C12orf42: variants seen among roughly 807,000 people sequenced by gnomAD.
The protein encoded by C12orf42 is uncharacterized protein C12orf42.
C12orf42 carries 25 observed loss-of-function variants against 21.6 expected under a neutral mutation model. The observed-to-expected ratio is 1.16, with a 90% CI of 0.84 to 1.62. The LOEUF is 1.62. Ranked by LOEUF, C12orf42 falls within the 40% of genes most tolerant of loss-of-function variation. The pLI, the probability that C12orf42 is intolerant of heterozygous loss-of-function variation, is 0.00. For missense variants in C12orf42, 483 were observed against 459.3 expected, an observed-to-expected ratio of 1.05 and a Z score of -0.47; for synonymous variants, 174 against 175.0, an observed-to-expected ratio of 0.99 and a Z score of 0.05.
At chr12:103,371,862 T>C (rs1480209121) in intron 3 of C12orf42, among the ~76,000 whole-genome samples, 3 of 152,148 alleles carry the variant, frequency 2.0e-5, no homozygotes, top group Non-Finnish European at 4.4e-5. Context: ...GCTAATGCTA[T>C]CCCGCAACAA....
intron 4 of C12orf42, among the ~76,000 whole-genome samples, chr12:103,294,505 GAAA>G (rs1223540908): frequency 8.3e-6 from 1 of 120,812 alleles, no homozygotes; most frequent in East Asian, 2.5e-4. Flanking sequence ...AAGAAAGAAA[GAAA>G]AAGAAAGGAA....
rs1457823808 is a variant in C12orf42 at position 103,437,860 on chromosome 12, T to G, written c.79-36185A>C. On this transcript the variant is annotated intron_variant, in intron 2 of 5. Coordinates refer to ENST00000548883, the MANE Select transcript of C12orf42 (RefSeq NM_198521.5). ...GAGCTGGTACCATTCCTTCTGAAAC[T>G]ATTCCAATCAATAGAAAAAGAGGGA... 2.9e-5 allele frequency among the ~76,000 whole-genome samples: 4 copies of G among 140,090 alleles called. No homozygotes were observed. In the East Asian group the frequency reaches 8.4e-4, roughly 29 times the overall value. 91.9% of individuals were successfully genotyped at this position (140,090 alleles called of 152,430 possible). A position where few individuals can be genotyped will look rare whatever the true frequency, so the allele number is the denominator to read the frequency against.
intron 3 of C12orf42, among the ~76,000 whole-genome samples, chr12:103,383,902 T>C (rs570675931): frequency 6.6e-6 from 1 of 152,176 alleles, no homozygotes; most frequent in Non-Finnish European, 1.5e-5. Context: ...ATGTAAATTG[T>C]TTAAATAAGC....
chr12:103,479,989 C>T (rs1481740327), intron 1 of C12orf42, among the ~76,000 whole-genome samples: 2 of 151,868 alleles, frequency 1.3e-5, no homozygotes, highest in East Asian at 3.9e-4. Flanking sequence ...TTTCTAACCA[C>T]TGATAGTTTG....
chr12:103,199,167 G>A, the C12orf42 span, among the ~76,000 whole-genome samples: 5 of 152,116 alleles, frequency 3.3e-5, no homozygotes, highest in South Asian at 8.3e-4. Context: ...AGGCATATAT[G>A]GTCAACTGAT....
the C12orf42 span, among the ~76,000 whole-genome samples, chr12:103,102,503 T>C: frequency 3.3e-5 from 5 of 152,210 alleles, no homozygotes; most frequent in African/African-American, 7.2e-5. Context: ...AATGCAGTCA[T>C]GGGTTCTTAG....
At chr12:103,545,660 A>G in the C12orf42 span, among the ~76,000 whole-genome samples, 1 of 152,262 alleles carries the variant, frequency 6.6e-6, no homozygotes, top group African/African-American at 2.4e-5. Flanking sequence ...TACCTTGCTC[A>G]GCAATAAAGA....
rs74708731 is a variant in C12orf42 at position 103,289,767 on chromosome 12, C to G, written n.338-12557G>C. On this transcript the variant is annotated intron_variant and non_coding_transcript_variant, in intron 4 of 6. Coordinates refer to the C12orf42 transcript ENST00000546526. The stretch of plus-strand genomic sequence containing the variant: ...TGTGTAGTAAGAGCTCATTCTTGAA[C>G]AAATAGTTCTATATGTGAATATGCT... Among the ~76,000 whole-genome samples, 857 of 152,216 alleles carry G rather than the reference C, an allele frequency of 5.6e-3. 12 individuals are homozygous for G. The highest frequency in any genetic ancestry group is 0.02 in the African/African-American group (821 of 41,534).
downstream of C12orf42, among the ~76,000 whole-genome samples, chr12:103,264,182 G>A (rs1477940447): frequency 1.3e-5 from 2 of 152,046 alleles, no homozygotes; most frequent in Non-Finnish European, 2.9e-5. Flanking sequence ...TGTATCAAGA[G>A]CTTACTCCTC....
At chr12:103,294,568 AAAGG>A (rs763931253) in intron 4 of C12orf42, among the ~76,000 whole-genome samples, 232 of 119,612 alleles carry the variant, frequency 1.9e-3, no homozygotes, top group Middle Eastern at 8.1e-3. Flanking sequence ...AAAGAAAAAG[AAAGG>A]AAGGAAGGAA....
At chr12:103,353,756 C>G (rs1158634830) in intron 4 of C12orf42, among the ~76,000 whole-genome samples, 1 of 152,182 alleles carries the variant, frequency 6.6e-6, no homozygotes, top group Non-Finnish European at 1.5e-5. Context: ...AAATCCCACT[C>G]CAAACACTTC....
At chr12:103,077,095 T>A in the C12orf42 span, among the ~76,000 whole-genome samples, 1 of 152,228 alleles carries the variant, frequency 6.6e-6, no homozygotes, top group African/African-American at 2.4e-5. Flanking sequence ...ATTTTCTCTA[T>A]GTTCAATTTA....
chr12:103,106,631 G>A, the C12orf42 span, among the ~76,000 whole-genome samples: 16 of 151,714 alleles, frequency 1.1e-4, no homozygotes, highest in South Asian at 3.3e-3. Context: ...CCCAGTAAAA[G>A]TATGAAAATA....
At chr12:103,412,039 A>C (rs1422785038) in intron 2 of C12orf42, among the ~76,000 whole-genome samples, 3 of 152,228 alleles carry the variant, frequency 2.0e-5, no homozygotes, top group Admixed American at 6.5e-5. Context: ...TAGAGCATAA[A>C]GTATACTACA....
chr12:103,265,824 T>TTGTTC (rs2035141971), downstream of C12orf42, among the ~76,000 whole-genome samples: 1 of 152,070 alleles, frequency 6.6e-6, no homozygotes, highest in African/African-American at 2.4e-5. Flanking sequence ...TTGTTTTGTT[T>TTGTTC]TGTTTTGTTT....
chr12:103,434,459 C>T (rs184299987), intron 2 of C12orf42, among the ~76,000 whole-genome samples: 11 of 152,232 alleles, frequency 7.2e-5, no homozygotes, highest in Non-Finnish European at 1.3e-4. Flanking sequence ...ACGCAGAGGA[C>T]GGGTGATTTC....
the C12orf42 span, among the ~76,000 whole-genome samples, chr12:103,107,135 TATAG>T: frequency 6.6e-6 from 1 of 152,026 alleles, no homozygotes; most frequent in African/African-American, 2.4e-5. Context: ...GCAAACTTGA[TATAG>T]ATAATGACAG....
intron 2 of C12orf42, among the ~76,000 whole-genome samples, chr12:103,404,949 T>C (rs568103569): frequency 8.5e-4 from 129 of 152,314 alleles, no homozygotes; most frequent in South Asian, 5.8e-3. Context: ...AACCACCTAA[T>C]AGGTGCATGA....
chr12:103,297,572 G>C (rs2037381869), downstream of C12orf42, among the ~76,000 whole-genome samples: 2 of 152,046 alleles, frequency 1.3e-5, no homozygotes, highest in South Asian at 2.1e-4. Flanking sequence ...CCAATCAATA[G>C]AAAAAGAGGG....
Sources: allele counts gnomAD v4.1 joint callset (sites outside exome capture counted in the v4.1 genomes callset), GRCh38; gene constraint gnomAD v4.1.1; transcripts MANE v1.5; gene names NCBI Gene and HGNC (gene_info 2026-07-23, HGNC 2026-07-21).